Variants in SPIDR observed in about 807,000 individuals in gnomAD.
SPIDR encodes DNA repair-scaffolding protein.
In SPIDR, 93 loss-of-function variants were observed where a neutral mutation model predicts 104.6. That is an observed-to-expected ratio of 0.89 (90% CI 0.75 to 1.06). The LOEUF (loss-of-function observed/expected upper bound fraction) is 1.06. Ranked by LOEUF, SPIDR falls within the 50% of genes least tolerant of loss-of-function variation. SPIDR has a pLI of 0.00. For missense variants in SPIDR, 1,154 were observed against 1,111.2 expected (o/e 1.04, Z -0.55); for synonymous variants, 431 against 416.9 (o/e 1.03, Z -0.41).
At chr8:47,467,758 T>C (rs1425132016) in intron 8 of SPIDR, among the ~76,000 whole-genome samples, 1 of 152,180 alleles carries the variant, frequency 6.6e-6, no homozygotes, top group Admixed American at 6.5e-5. Context: ...TCATACTGAA[T>C]GGACAAAAAT....
intron 5 of SPIDR, among the ~76,000 whole-genome samples, chr8:47,318,656 G>C (rs2045904323): frequency 6.6e-6 from 1 of 150,766 alleles, no homozygotes; most frequent in African/African-American, 2.4e-5. Flanking sequence ...ATTCACCAAA[G>C]TTGAAATGAA....
intron 10 of SPIDR, chr8:47,673,412 A>C: frequency 2.2e-6 from 1 of 458,282 alleles, no homozygotes; most frequent in Non-Finnish European, 4.4e-6. Flanking sequence ...TATTTCTTTC[A>C]TGGGAAACGG....
intron 10 of SPIDR, among the ~76,000 whole-genome samples, chr8:47,658,807 G>T (rs901686435): frequency 6.0e-5 from 9 of 150,954 alleles, no homozygotes; most frequent in Non-Finnish European, 1.2e-4. Context: ...GTGGTGGCAG[G>T]CACCTGTAAT....
chr8:47,500,877 C>T lies in SPIDR; in HGVS notation c.1097+60335C>T, dbSNP rs545438567. ...TCTACATATGGCTAGCCAGTTTTCC[C>T]AGCACCATTTATTAAATAGGGAATC... On this transcript the variant is annotated intron_variant, in intron 8 of 19. Transcript: ENST00000297423. Among the ~76,000 whole-genome samples the T allele has an allele frequency of 2.8e-3, 420 of 152,306 alleles. 1 individual carries two copies. The highest frequency in any genetic ancestry group is 9.9e-3 in the African/African-American group (410 of 41,562).
intron 8 of SPIDR, among the ~76,000 whole-genome samples, chr8:47,467,307 C>T (rs539607292): frequency 3.9e-5 from 6 of 152,278 alleles, no homozygotes; most frequent in African/African-American, 1.4e-4. Flanking sequence ...TGGTATCATT[C>T]CTACTGAAAC....
intron 8 of SPIDR, among the ~76,000 whole-genome samples, chr8:47,563,925 C>T (rs1317442899): frequency 6.6e-6 from 1 of 152,100 alleles, no homozygotes; most frequent in Non-Finnish European, 1.5e-5. Context: ...TACTTGATTA[C>T]TTTCCTGTTC....
chr8:47,628,751 T>C (rs2066590031), intron 10 of SPIDR, among the ~76,000 whole-genome samples: 1 of 152,188 alleles, frequency 6.6e-6, no homozygotes, highest in Non-Finnish European at 1.5e-5. Flanking sequence ...GTATCATGAA[T>C]ACACATATAC....
chr8:47,345,457 G>A (rs1485169763), intron 5 of SPIDR, among the ~76,000 whole-genome samples: 1 of 152,100 alleles, frequency 6.6e-6, no homozygotes, highest in Admixed American at 6.5e-5. Flanking sequence ...CTCTTTTTCG[G>A]TTCCATATGA....
intron 5 of SPIDR, among the ~76,000 whole-genome samples, chr8:47,340,934 C>T (rs1397736744): frequency 3.9e-5 from 6 of 152,202 alleles, no homozygotes; most frequent in Admixed American, 3.9e-4. Flanking sequence ...AAACCTCACC[C>T]TGTGTGTATC....
chr8:47,312,152 C>G (rs1250900391), intron 5 of SPIDR, among the ~76,000 whole-genome samples: 1 of 152,162 alleles, frequency 6.6e-6, no homozygotes, highest in Non-Finnish European at 1.5e-5. Flanking sequence ...CAAGTCTTTG[C>G]TATTGTGAAT....
intron 5 of SPIDR, among the ~76,000 whole-genome samples, chr8:47,395,236 C>A (rs181507938): frequency 6.6e-6 from 1 of 152,060 alleles, no homozygotes; most frequent in Admixed American, 6.6e-5. Flanking sequence ...GTAATCCCAG[C>A]TACTTGGGAG....
chr8:47,665,536 A>G (rs1418891491), intron 10 of SPIDR, among the ~76,000 whole-genome samples: 2 of 152,246 alleles, frequency 1.3e-5, no homozygotes, highest in African/African-American at 2.4e-5. Context: ...TCCTTCAGTC[A>G]CAGAACCATG....
chr8:47,439,843 A>G (rs4873102), intron 7 of SPIDR, among the ~76,000 whole-genome samples: 76,195 of 152,048 alleles, frequency 0.5, 22,647 homozygotes, highest in Non-Finnish European at 0.67. Flanking sequence ...ATAACTCTTC[A>G]ACTGTTAGCC....
chr8:47,283,005 G>A (rs979105571), intron 2 of SPIDR, among the ~76,000 whole-genome samples: 2 of 151,924 alleles, frequency 1.3e-5, no homozygotes, highest in Non-Finnish European at 2.9e-5. Flanking sequence ...ACAGGTGCCC[G>A]CCACCACGCC....
In SPIDR at chr8:47,281,454, A is replaced by G. The variant is rs368308546; in HGVS notation, c.189+1437A>G. Among the ~76,000 whole-genome samples, 93 of 152,370 alleles carry G rather than the reference A, an allele frequency of 6.1e-4. No individual in the cohort carries two copies. The East Asian group carries it at 0.018, about 29-fold the overall frequency. On this transcript the variant is annotated intron_variant, in intron 2 of 19. Coordinates refer to ENST00000297423, the MANE Select transcript of SPIDR (RefSeq NM_001080394.4). Reference sequence around the variant, plus strand: ...TTGGACTCAATCCTTCCAAAGCCTGACACTGCTTTATCAACTAAGTTTATA... The same window carrying G: ...TTGGACTCAATCCTTCCAAAGCCTGGCACTGCTTTATCAACTAAGTTTATA...
chr8:47,632,613 T>TTAGGCAAAG (rs2067241871), intron 10 of SPIDR, among the ~76,000 whole-genome samples: 1 of 152,216 alleles, frequency 6.6e-6, no homozygotes, highest in Non-Finnish European at 1.5e-5. Context: ...CGGCAAACTC[T>TTAGGCAAAG]AATGGTCCTC....
chr8:47,459,025 G>GCTA (rs2073494105), intron 8 of SPIDR, among the ~76,000 whole-genome samples: 1 of 151,968 alleles, frequency 6.6e-6, no homozygotes, highest in Non-Finnish European at 1.5e-5. Context: ...CTTTTTGATA[G>GCTA]TTGGATGCGG....
At chr8:47,490,713 G>A (rs1347446308) in intron 8 of SPIDR, among the ~76,000 whole-genome samples, 2 of 152,116 alleles carry the variant, frequency 1.3e-5, no homozygotes, top group African/African-American at 4.8e-5. Context: ...GGGTGAAGCT[G>A]GAAACCATCA....
chr8:47,335,821 T>C (rs937154149), intron 5 of SPIDR, among the ~76,000 whole-genome samples: 1 of 152,254 alleles, frequency 6.6e-6, no homozygotes, highest in Admixed American at 6.5e-5. Flanking sequence ...TTATCTTTGC[T>C]TCTCTGTAAA....
Sources: gnomAD v4.1 joint callset for allele counts (sites outside exome capture counted in the v4.1 genomes callset) on GRCh38, gnomAD v4.1.1 for gene constraint, MANE v1.5 for transcripts, NCBI Gene and HGNC (gene_info 2026-07-23, HGNC 2026-07-21) for gene names.